Variants in CHCHD3 observed in about 807,000 individuals in gnomAD.
CHCHD3 encodes the protein MICOS complex subunit MIC19.
In CHCHD3, 20 loss-of-function variants were observed where a neutral mutation model predicts 38.2. The ratio of observed to expected loss-of-function variants is 0.52; its 90% confidence interval spans 0.37 to 0.76. The LOEUF is 0.76. CHCHD3 is among the 30% of genes least tolerant of loss of function. The pLI, the probability that CHCHD3 is intolerant of heterozygous loss-of-function variation, is 0.00. For missense variants in CHCHD3, 245 were observed against 279.2 expected (o/e 0.88, Z 0.87); for synonymous variants, 82 against 100.0 (o/e 0.82, Z 1.07).
At chr7:132,841,869 G>A (rs940056334) in intron 5 of CHCHD3, among the ~76,000 whole-genome samples, 2 of 152,012 alleles carry the variant, frequency 1.3e-5, no homozygotes, top group African/African-American at 2.4e-5. Context: ...AGGCAGAGGC[G>A]GGCATATCAC....
chr7:132,936,886 C>T (rs1274701261), intron 4 of CHCHD3, among the ~76,000 whole-genome samples: 2 of 152,170 alleles, frequency 1.3e-5, no homozygotes, highest in African/African-American at 4.8e-5. Context: ...TTATATTAGG[C>T]TAAACACAGT....
intron 4 of CHCHD3, among the ~76,000 whole-genome samples, chr7:132,959,933 A>G (rs1811272181): frequency 1.3e-5 from 2 of 152,138 alleles, no homozygotes; most frequent in African/African-American, 4.8e-5. Context: ...TTCTGGAAAG[A>G]GAACAAGCCA....
chr7:132,927,796 C>A (rs932178950), intron 4 of CHCHD3, among the ~76,000 whole-genome samples: 1 of 152,142 alleles, frequency 6.6e-6, no homozygotes, highest in Non-Finnish European at 1.5e-5. Context: ...AAAAAACTAA[C>A]CTTACAGAAA....
At chr7:132,881,351 T>G (rs1809051296) in intron 5 of CHCHD3, among the ~76,000 whole-genome samples, 1 of 152,196 alleles carries the variant, frequency 6.6e-6, no homozygotes. Flanking sequence ...CAAGCTGTAT[T>G]ACAGAACTAA....
chr7:132,821,747 CTTTTTTT>C (rs71178063), intron 6 of CHCHD3, among the ~76,000 whole-genome samples: 7 of 100,274 alleles, frequency 7.0e-5, no homozygotes, highest in African/African-American at 3.1e-4. Context: ...GCACTCAAAT[CTTTTTTT>C]TTTTTTTTTT....
rs76012924 is a variant in CHCHD3, at chr7:132,800,157, T to C, written c.525-3580A>G. Among the ~76,000 whole-genome samples the C allele has an allele frequency of 7.8e-3, 1,187 of 152,282 alleles. 19 individuals are homozygous for C. Among genetic ancestry groups the C allele is most frequent in the African/African-American group, 0.026 (1,100 of 41,572 alleles). Reference sequence around the variant, plus strand: ...TACTAACAGGTCTATTGTAGAAACTTTGGAAAAAGAAAAGAATAAAGATAC... The same window carrying C: ...TACTAACAGGTCTATTGTAGAAACTCTGGAAAAAGAAAAGAATAAAGATAC... On this transcript the variant is annotated intron_variant, in intron 6 of 7. Transcript: ENST00000262570.
At chr7:132,884,564 T>C (rs1353827623) in intron 5 of CHCHD3, among the ~76,000 whole-genome samples, 2 of 152,202 alleles carry the variant, frequency 1.3e-5, no homozygotes, top group Non-Finnish European at 2.9e-5. Flanking sequence ...ATTTAACATA[T>C]ACATAACTGT....
intron 3 of CHCHD3, among the ~76,000 whole-genome samples, chr7:133,019,081 C>T (rs1016186432): frequency 1.3e-5 from 2 of 151,874 alleles, no homozygotes; most frequent in Non-Finnish European, 2.9e-5. Flanking sequence ...TGGGGTTTCA[C>T]CATGTTGGTC....
chr7:132,957,892 C>T (rs978419834), intron 4 of CHCHD3, among the ~76,000 whole-genome samples: 2 of 152,214 alleles, frequency 1.3e-5, no homozygotes, highest in Non-Finnish European at 2.9e-5. Context: ...TAAAGAATTA[C>T]TCTGGATGAA....
At chr7:132,862,109 A>ATGG (rs1808509725) in intron 5 of CHCHD3, among the ~76,000 whole-genome samples, 3 of 115,838 alleles carry the variant, frequency 2.6e-5, no homozygotes, top group African/African-American at 1.0e-4. Context: ...TGGATGGATG[A>ATGG]AATGAAGGAA....
At chr7:132,848,137 A>G (rs1418873634) in intron 5 of CHCHD3, among the ~76,000 whole-genome samples, 1 of 152,178 alleles carries the variant, frequency 6.6e-6, no homozygotes, top group East Asian at 1.9e-4. Context: ...GTCTATAGTT[A>G]CTGCTAACAA....
intron 3 of CHCHD3, among the ~76,000 whole-genome samples, chr7:132,979,695 A>T (rs1003660762): frequency 3.3e-5 from 5 of 152,178 alleles, no homozygotes; most frequent in African/African-American, 1.2e-4. Context: ...TCTGCAAAGA[A>T]TTTTACTTGC....
intron 3 of CHCHD3, among the ~76,000 whole-genome samples, chr7:132,982,032 C>T (rs1045142218): frequency 2.6e-5 from 4 of 152,040 alleles, no homozygotes; most frequent in African/African-American, 7.3e-5. Context: ...CAGAACCTGC[C>T]GAACCAGCAT....
chr7:132,797,620 C>T (rs1373448354), intron 6 of CHCHD3, among the ~76,000 whole-genome samples: 3 of 152,138 alleles, frequency 2.0e-5, no homozygotes, highest in African/African-American at 7.2e-5. Context: ...TGAATGAATA[C>T]AAATCGGTGC....
At chr7:132,913,736 C>A (rs1296696781) in intron 4 of CHCHD3, among the ~76,000 whole-genome samples, 1 of 152,038 alleles carries the variant, frequency 6.6e-6, no homozygotes. Context: ...GGGGCTCAGG[C>A]CAGGTTACTA....
chr7:133,001,480 T>C (rs765534032), intron 3 of CHCHD3, among the ~76,000 whole-genome samples: 1 of 152,222 alleles, frequency 6.6e-6, no homozygotes, highest in Non-Finnish European at 1.5e-5. Context: ...TGAAAACTTA[T>C]GTCAACTAAA....
chr7:132,942,779 C>T (rs953134917), intron 4 of CHCHD3, among the ~76,000 whole-genome samples: 1 of 152,140 alleles, frequency 6.6e-6, no homozygotes, highest in Non-Finnish European at 1.5e-5. Flanking sequence ...ACAAGTAATT[C>T]TCTTTGTTCA....
chr7:132,913,948 C>CTT (rs71178066), intron 4 of CHCHD3, among the ~76,000 whole-genome samples: 12 of 102,330 alleles, frequency 1.2e-4, no homozygotes, highest in East Asian at 2.8e-4. Context: ...TTTTCTTTTT[C>CTT]TTTTTTTTTT....
At chr7:132,845,717 A>G (rs1467283861) in intron 5 of CHCHD3, among the ~76,000 whole-genome samples, 4 of 152,236 alleles carry the variant, frequency 2.6e-5, no homozygotes, top group Non-Finnish European at 4.4e-5. Flanking sequence ...TGATTTGCTC[A>G]TGGAGCATCT....
Sources: allele counts gnomAD v4.1 joint callset (sites outside exome capture counted in the v4.1 genomes callset), GRCh38; gene constraint gnomAD v4.1.1; transcripts MANE v1.5; gene names NCBI Gene and HGNC (gene_info 2026-07-23, HGNC 2026-07-21).